Variants in UROC1 observed in about 807,000 individuals in gnomAD.
UROC1 encodes urocanate hydratase 1.
A neutral mutation model predicts 89.5 loss-of-function variants in UROC1; 79 were observed. The ratio of observed to expected loss-of-function variants is 0.88; its 90% CI spans 0.74 to 1.06. UROC1 has a LOEUF of 1.06. Among genes scored for constraint, UROC1 ranks in the 50% least tolerant of loss-of-function variants. The probability of loss-of-function intolerance (pLI) is 0.00; values close to 1 mark genes in which losing one functional copy is unlikely to be tolerated. For synonymous variants in UROC1, 361 were observed against 354.8 expected (o/e 1.02, Z -0.20); for missense variants, 885 against 907.8 (o/e 0.97, Z 0.32).
rs141303750 is a variant in UROC1, at chr3:126,517,702, C to A, written c.18G>T (p.Ala6=). The A allele has an allele frequency of 1.9e-6, 3 of 1,584,700 alleles. No individual in the cohort carries two copies. Among genetic ancestry groups the A allele is most frequent in the Non-Finnish European group, 2.6e-6 (3 of 1,165,904 alleles). ...GCCGCAGGGGCAGGCCAGAGCACAG[C>A]GCCTGGAGGCTAGACATGTGTGACT... MSSLQ[A]LCSGLPLRPL... is the part of the protein sequence containing the mutation. The change falls in exon 1 of 20, where the codon GCG becomes GCT. Residue 6 remains alanine (A), a synonymous_variant. Coordinates refer to ENST00000290868, the MANE Select transcript of UROC1 (RefSeq NM_144639.3).
intron 14 of UROC1, among the ~76,000 whole-genome samples, chr3:126,496,353 A>G (rs1381870845): frequency 6.6e-6 from 1 of 152,134 alleles, no homozygotes; most frequent in Non-Finnish European, 1.5e-5. Context: ...TCCCTCCACA[A>G]ATAGCTATTC....
chr3:126,510,603 A>G (rs923174325), intron 2 of UROC1, 61 bp downstream of exon 2: 26 of 1,603,338 alleles, frequency 1.6e-5, no homozygotes, highest in Non-Finnish European at 1.9e-5. Flanking sequence ...CCCCCAGCAC[A>G]GTCCCTTGCG....
chr3:126,508,471 G>C lies in UROC1; in HGVS notation c.356C>G (p.Pro119Arg), dbSNP rs200128917. 9.6e-5 allele frequency: 155 copies of C among 1,613,356 alleles called. No individual in the cohort carries two copies. In the Middle Eastern group the frequency reaches 1.3e-3, roughly 14 times the overall value. Residue 119 changes from proline (P) to arginine (R), a missense_variant, in exon 4 of 20, where the codon CCC becomes CGC. Transcript: ENST00000290868. ...TCCTCCATAGGTCACCAGCTCCTGG[G>C]GAAACTGAGGAAGACACGGGGTCAT... ...NNLDPAVAQF[P>R]QELVTYGGNG... is the part of the protein sequence containing the mutation.
chr3:126,483,629 C>G (rs1179728764), intron 18 of UROC1, among the ~76,000 whole-genome samples, 161 bp from the exon 19 acceptor site: 1 of 152,242 alleles, frequency 6.6e-6, no homozygotes, highest in East Asian at 1.9e-4. Context: ...GTCGTGCAGG[C>G]AAGCACAGCT....
intron 1 of UROC1, among the ~76,000 whole-genome samples, chr3:126,514,520 G>A (rs943199956): frequency 4.6e-5 from 7 of 152,070 alleles, no homozygotes; most frequent in South Asian, 4.1e-4. Context: ...ACAGAGCTCC[G>A]TTAAAGACGA....
chr3:126,500,300 C>G (rs1039480668), intron 11 of UROC1, 146 bp from the exon 12 acceptor site: 7 of 774,058 alleles, frequency 9.0e-6, no homozygotes, highest in Non-Finnish European at 1.5e-5. Context: ...GCACCACACA[C>G]CTGGAATGCC....
chr3:126,502,010 C>T (rs77943998), intron 9 of UROC1: 34,543 of 1,473,488 alleles, frequency 0.023, 474 homozygotes, highest in African/African-American at 0.025. Flanking sequence ...TCGGGGGTTG[C>T]GGAAGTGTGG....
chr3:126,496,026 C>G lies in UROC1; in HGVS notation c.1509+12G>C. On this transcript the variant is annotated intron_variant, in intron 15 of 19. Coordinates refer to ENST00000290868, the MANE Select transcript of UROC1 (RefSeq NM_144639.3). ...ACAGCCACCCCAGCCTCCCCCAGGC[C>G]TGGGCCCTCACCAGCCGGTGCCTGG... The G allele has an allele frequency of 6.2e-7, 1 of 1,612,382 alleles. No individual in the cohort carries two copies. The highest frequency in any genetic ancestry group is 8.5e-7 in the Non-Finnish European group (1 of 1,179,806).
intron 9 of UROC1, chr3:126,502,086 G>T: frequency 1.2e-6 from 1 of 849,110 alleles, no homozygotes; most frequent in Non-Finnish European, 1.7e-6. Context: ...GTGTGTTCAT[G>T]TGTGGATGTG....
At position 126,501,970 on chromosome 3, in the gene UROC1, C is replaced by T. The variant is rs376830105; in HGVS notation, c.903-690G>A. ...GACCCTGTGGGAACCGTGAGCAGAG[C>T]TCACTCCATTCCCATGGGTCTTCCT... is the stretch of plus-strand genomic sequence containing the variant. On this transcript the variant is annotated intron_variant, in intron 9 of 19. Transcript: ENST00000290868. The T allele has an allele frequency of 5.1e-6, 8 of 1,568,888 alleles. No individual in the cohort carries two copies. In the African/African-American group the frequency reaches 8.1e-5, roughly 16 times the overall value.
chr3:126,497,607 A>G (rs1935808461), intron 14 of UROC1, among the ~76,000 whole-genome samples: 1 of 152,224 alleles, frequency 6.6e-6, no homozygotes, highest in African/African-American at 2.4e-5. Context: ...TGCCCTGGCC[A>G]CGTGGAGGGG....
intron 15 of UROC1, among the ~76,000 whole-genome samples, chr3:126,495,803 C>T (rs1935761810): frequency 2.0e-5 from 3 of 152,236 alleles, no homozygotes; most frequent in Admixed American, 2.0e-4. Flanking sequence ...TCCCAGGCCA[C>T]CCTTTAAAGG....
At chr3:126,493,179 G>A (rs111902113) in intron 15 of UROC1, among the ~76,000 whole-genome samples, 4 of 152,064 alleles carry the variant, frequency 2.6e-5, no homozygotes, top group African/African-American at 9.7e-5. Flanking sequence ...GTGTAGCCCC[G>A]CGGTCCTCAA....
intron 6 of UROC1, among the ~76,000 whole-genome samples, chr3:126,506,235 T>C (rs1188417636): frequency 6.6e-6 from 1 of 152,252 alleles, no homozygotes; most frequent in African/African-American, 2.4e-5. Context: ...TTTTGTTCTG[T>C]TAAAAACTGT....
At position 126,508,023 on chromosome 3, in the gene UROC1, G is replaced by C. The variant is rs775450479; in HGVS notation, c.484C>G (p.Leu162Val). 1 of 1,614,098 alleles carries C rather than the reference G, an allele frequency of 6.2e-7. No individual in the cohort carries two copies. Among genetic ancestry groups the C allele is most frequent in the Non-Finnish European group, 8.5e-7 (1 of 1,180,034 alleles). ...QTLVMYSGHP[L>V]GLFPSSRSAP... ...CTGCGGCTGCTGGGAAAGAGGCCAA[G>C]TGGGTGCCCACTGTACATGACCAAA... The change falls in exon 5 of 20, where the codon CTT becomes GTT. Residue 162 changes from leucine (L) to valine (V), a missense_variant. By Grantham distance (32) the Leu-to-Val change is conservative. Coordinates refer to ENST00000290868, the MANE Select transcript of UROC1 (RefSeq NM_144639.3).
chr3:126,492,440 G>A lies in UROC1; in HGVS notation c.1586C>T (p.Ala529Val), dbSNP rs1456898130. Reference sequence around the variant, plus strand: ...CACCTTGATCCTCCTGCAGGCGATGGCCTGGTTAATGGCCACAGCGATGGC... The same window carrying A: ...CACCTTGATCCTCCTGCAGGCGATGACCTGGTTAATGGCCACAGCGATGGC... ...RVAIAVAINQ[A>V]IACRRIKAPV... Residue 529 changes from alanine (A) to valine (V), a missense_variant, in exon 16 of 20, where the codon GCC becomes GTC. Ala to Val is a moderately conservative substitution (Grantham distance 64, BLOSUM62 0). Transcript: ENST00000290868. The A allele has an allele frequency of 6.2e-7, 1 of 1,613,646 alleles. No individual in the cohort carries two copies. The highest frequency in any genetic ancestry group is 2.2e-5 in the East Asian group (1 of 44,868).
At chr3:126,490,600 G>A (rs1016997448) in intron 16 of UROC1, among the ~76,000 whole-genome samples, 4 of 151,944 alleles carry the variant, frequency 2.6e-5, no homozygotes, top group Non-Finnish European at 5.9e-5. Flanking sequence ...CATGAGAATC[G>A]CTTTAATCTG....
intron 18 of UROC1, among the ~76,000 whole-genome samples, chr3:126,487,778 A>G (rs1935549196): frequency 6.6e-6 from 1 of 152,204 alleles, no homozygotes; most frequent in Non-Finnish European, 1.5e-5. Context: ...CTGCCCTGGG[A>G]GCCTTGGCTG....
intron 9 of UROC1, among the ~76,000 whole-genome samples, chr3:126,503,005 C>G (rs1160581537): frequency 6.6e-6 from 1 of 151,024 alleles, no homozygotes; most frequent in Non-Finnish European, 1.5e-5. Flanking sequence ...TGTGTGCATG[C>G]ATGTTGTGTG....
Sources: gnomAD v4.1 joint callset for allele counts (sites outside exome capture counted in the v4.1 genomes callset) on GRCh38, gnomAD v4.1.1 for gene constraint, MANE v1.5 for transcripts, NCBI Gene and HGNC (gene_info 2026-07-23, HGNC 2026-07-21) for gene names.